The following IFT172 variants were observed in gnomAD, a reference collection of about 807,000 sequenced individuals.
The protein encoded by IFT172 is intraflagellar transport protein 172 homolog.
A neutral mutation model predicts 248.9 loss-of-function variants in IFT172; 164 were observed. The ratio of observed to expected loss-of-function variants is 0.66; its 90% confidence interval spans 0.58 to 0.75. The LOEUF (loss-of-function observed/expected upper bound fraction) is 0.75, where lower values mean the gene tolerates loss of function less well. Ranked by LOEUF, IFT172 falls within the 30% of genes least tolerant of loss-of-function variation. The pLI is 0.00. For synonymous variants in IFT172, 729 were observed against 791.6 expected (o/e 0.92, Z 1.33); for missense variants, 1,950 against 2,192.4 (o/e 0.89, Z 2.21).
rs763700378 is a variant in IFT172, at chr2:27,485,062, T to A, written c.252A>T (p.Gly84=). The change falls in exon 3 of 48, where the codon GGA becomes GGT. Residue 84 remains glycine (G), a synonymous_variant. Coordinates refer to ENST00000260570, the MANE Select transcript of IFT172 (RefSeq NM_015662.3). ...AGACATAGATGATGTTGTCAGTCTG[T>A]CCTATGGCAATTTTAGTGGAATCAG... ...FSPDSTKIAI[G]QTDNIIYVYK... is the part of the protein sequence containing the mutation. 6.2e-7 allele frequency: 1 copy of A among 1,609,080 alleles called. No homozygotes were observed. Among genetic ancestry groups the A allele is most frequent in the South Asian group, 1.1e-5 (1 of 90,952 alleles).
At chr2:27,464,546 T>C (rs1309170256) in intron 18 of IFT172, among the ~76,000 whole-genome samples, 2 of 151,664 alleles carry the variant, frequency 1.3e-5, no homozygotes, top group Non-Finnish European at 2.9e-5. Context: ...AGGGTATGAA[T>C]AGTAAAAAAA....
At chr2:27,471,412 T>C in intron 15 of IFT172, 1 of 239,562 alleles carries the variant, frequency 4.2e-6, no homozygotes, top group Non-Finnish European at 8.0e-6. Flanking sequence ...AAAATTAAAT[T>C]ATCCAGAAAT....
At chr2:27,481,469 A>C (rs540708348) in intron 7 of IFT172, among the ~76,000 whole-genome samples, 17 of 148,672 alleles carry the variant, frequency 1.1e-4, no homozygotes, top group South Asian at 1.1e-3. Flanking sequence ...ACACACACAC[A>C]CCCCTATACA....
rs756204396 is a variant in IFT172 at position 27,485,327 on chromosome 2, G to T, written c.183+33C>A. On this transcript the variant is annotated intron_variant, in intron 2 of 47. Coordinates refer to ENST00000260570, the MANE Select transcript of IFT172 (RefSeq NM_015662.3). ...TCAAGTTGTGAGACCCCATCAATAG[G>T]TTAAATAAGGTACACATGAATACAC... 3.1e-6 allele frequency: 5 copies of T among 1,612,976 alleles called. No homozygotes were observed. The South Asian group carries it at 3.3e-5, about 11-fold the overall frequency.
At chr2:27,458,449 A>G (rs1161658098) in intron 26 of IFT172, among the ~76,000 whole-genome samples, 1 of 151,878 alleles carries the variant, frequency 6.6e-6, no homozygotes, top group Non-Finnish European at 1.5e-5. Flanking sequence ...TGGGGCATAC[A>G]CTCCCATTAC....
intron 1 of IFT172, among the ~76,000 whole-genome samples, chr2:27,486,860 G>A (rs781119792): frequency 2.0e-5 from 3 of 152,198 alleles, no homozygotes; most frequent in South Asian, 4.1e-4. Flanking sequence ...TCAATGGACA[G>A]CTTGCTGAGC....
Position 27,478,172 on chromosome 2 carries a change from G to C in IFT172, c.1006-16C>G. 3.7e-6 allele frequency: 6 copies of C among 1,613,962 alleles called. No homozygotes were observed. The highest frequency in any genetic ancestry group is 5.1e-6 in the Non-Finnish European group (6 of 1,179,908). On this transcript the variant is annotated splice_polypyrimidine_tract_variant and intron_variant, in intron 10 of 47. Transcript: ENST00000260570. ...TCACAATCACCTTGGTAAAGGACAAGTGTGAGCCCCTTAGGCTTCCCCAGC... is the reference window on the plus strand; with the variant it reads ...TCACAATCACCTTGGTAAAGGACAACTGTGAGCCCCTTAGGCTTCCCCAGC...
rs772753536 is a variant in IFT172 at position 27,444,968 on chromosome 2, T to C, written c.5160+46A>G. ...CCAGACTTGTTTTTTTTTCTTTTTT[T>C]AGTGCTGCCCTCTCTGCCTTCATTC... On this transcript the variant is annotated intron_variant, in intron 47 of 47. Transcript: ENST00000260570. The C allele has an allele frequency of 6.3e-6, 10 of 1,586,674 alleles. No individual in the cohort carries two copies. In the Admixed American group the frequency reaches 1.7e-4, roughly 26 times the overall value.
Position 27,447,587 on chromosome 2 carries a change from CTCA to C in IFT172, c.4584_4586del (p.His1528_Glu1529delinsGln). 1 of 1,614,162 alleles carries C rather than the reference CTCA, an allele frequency of 6.2e-7. No individual in the cohort carries two copies. The highest frequency in any genetic ancestry group is 1.7e-5 in the Admixed American group (1 of 60,014). On this transcript the variant is annotated inframe_deletion, in exon 42 of 48. Coordinates refer to ENST00000260570, the MANE Select transcript of IFT172 (RefSeq NM_015662.3). ...CGATCAGCAGCATCGTCTTGAACTC[CTCA>C]TGGGCTGGAGAGTTTGCCTCACTGG...
chr2:27,462,734 G>T lies in IFT172; in HGVS notation c.2082C>A (p.Asn694Lys). 3 of 1,613,872 alleles carry T rather than the reference G, an allele frequency of 1.9e-6. No homozygotes were observed. The highest frequency in any genetic ancestry group is 2.5e-6 in the Non-Finnish European group (3 of 1,179,962). Residue 694 changes from asparagine (N) to lysine (K), a missense_variant, in exon 20 of 48, where the codon AAC (asparagine) becomes AAA (lysine). Transcript: ENST00000260570. ...VRARLAMLEK[N>K]YKLAEMIFLE... ...AAAAGATCATTTCAGCCAGTTTGTA[G>T]TTCTTTTCCAGCATGGCTAGACGTG...
intron 35 of IFT172, 47 bp from the exon 36 acceptor site, chr2:27,450,143 CG>C: frequency 7.3e-7 from 1 of 1,374,270 alleles, no homozygotes; most frequent in Non-Finnish European, 1.0e-6. Context: ...AGACAAATAC[CG>C]CTGAGTCCTC....
rs542963425 is a variant in IFT172 at position 27,474,975 on chromosome 2, T to C, written c.1411+1666A>G. 5.9e-5 allele frequency among the ~76,000 whole-genome samples: 9 copies of C among 152,150 alleles called. No individual in the cohort carries two copies. The South Asian group carries it at 1.9e-3, about 32-fold the overall frequency. ...CAGGCTGAGGCAAAAATATCTGCAA[T>C]GCAAATAACCACCAAAGTCTATACA... On this transcript the variant is annotated intron_variant, in intron 14 of 47. Coordinates refer to ENST00000260570, the MANE Select transcript of IFT172 (RefSeq NM_015662.3).
chr2:27,453,886 T>C, intron 33 of IFT172, 96 bp downstream of exon 33: 1 of 1,429,606 alleles, frequency 7.0e-7, no homozygotes. Flanking sequence ...AATACTAACC[T>C]CCCTGATCTT....
At chr2:27,473,911 G>T (rs1667778113) in intron 14 of IFT172, among the ~76,000 whole-genome samples, 1 of 150,764 alleles carries the variant, frequency 6.6e-6, no homozygotes, top group African/African-American at 2.4e-5. Context: ...GGATTCAGGC[G>T]ATTCTCCTGC....
In IFT172 at chr2:27,472,265, C is replaced by T. The variant is rs2148531422; in HGVS notation, c.1509G>A (p.Arg503=). 1 of 1,613,876 alleles carries T rather than the reference C, an allele frequency of 6.2e-7. No homozygotes were observed. The highest frequency in any genetic ancestry group is 8.5e-7 in the Non-Finnish European group (1 of 1,179,806). Residue 503 remains arginine, a synonymous_variant, in exon 15 of 48, where the codon AGG becomes AGA. Coordinates refer to ENST00000260570, the MANE Select transcript of IFT172 (RefSeq NM_015662.3). ...CTCTTCTCACACGAAGTTTCCGGTC[C>T]CTGAAGAGGAGCTTGTGTCCAGTCT... ...LNETGHKLLF[R]DRKLRLHLYD... is the part of the protein sequence containing the mutation.
intron 47 of IFT172, 105 bp from the exon 48 acceptor site, chr2:27,444,626 C>T (rs1664864279): frequency 1.1e-5 from 9 of 840,764 alleles, no homozygotes; most frequent in Non-Finnish European, 1.7e-5. Context: ...TGTAATCCCA[C>T]CCATCTTTCT....
intron 35 of IFT172, among the ~76,000 whole-genome samples, chr2:27,450,347 T>C (rs1277198109): frequency 6.6e-6 from 1 of 152,222 alleles, no homozygotes; most frequent in Non-Finnish European, 1.5e-5. Context: ...CTGAGGTCAC[T>C]GCATTTGAAA....
At chr2:27,483,067 A>G (rs1317446877) in intron 7 of IFT172, among the ~76,000 whole-genome samples, 6 of 140,948 alleles carry the variant, frequency 4.3e-5, no homozygotes, top group Admixed American at 3.8e-4. Flanking sequence ...CAGTGGTGCT[A>G]TTTCAGCTCA....
chr2:27,470,990 T>C lies in IFT172; in HGVS notation c.1630A>G (p.Asn544Asp). 1 of 1,613,984 alleles carries C rather than the reference T, an allele frequency of 6.2e-7. No individual in the cohort carries two copies. The highest frequency in any genetic ancestry group is 8.5e-7 in the Non-Finnish European group (1 of 1,179,982). The change falls in exon 16 of 48, where the codon AAC becomes GAC. Residue 544 changes from asparagine to aspartate, a missense_variant. Coordinates refer to ENST00000260570, the MANE Select transcript of IFT172 (RefSeq NM_015662.3). ...GSDVLVAQNR[N>D]SLCVWYNIEA... is the part of the protein sequence containing the mutation. ...ATGTTGTACCATACACACAGACTGT[T>C]TCGGTTCTGAGCTACCAGCACGTCA...
Sources: gnomAD v4.1 joint callset for allele counts (sites outside exome capture counted in the v4.1 genomes callset) on GRCh38, gnomAD v4.1.1 for gene constraint, MANE v1.5 for transcripts, NCBI Gene and HGNC (gene_info 2026-07-23, HGNC 2026-07-21) for gene names.